The following PRMT8 variants were observed in gnomAD, a reference collection of about 807,000 sequenced individuals.
The protein encoded by PRMT8 is protein arginine N-methyltransferase 8.
Under a neutral mutation model 47.1 loss-of-function variants are expected in PRMT8, and 7 were observed. That is an observed-to-expected ratio of 0.15 (90% CI 0.08 to 0.28). PRMT8 has a LOEUF of 0.28. Ranked by LOEUF, PRMT8 falls within the 10% of genes least tolerant of loss-of-function variation. The pLI is 1.00. For synonymous variants in PRMT8, 188 were observed against 186.5 expected (o/e 1.01, Z -0.07); for missense variants, 237 against 505.4 (o/e 0.47, Z 5.09).
upstream of PRMT8, among the ~76,000 whole-genome samples, chr12:3,490,291 C>T (rs1446722545): frequency 2.0e-5 from 3 of 152,102 alleles, no homozygotes; most frequent in Non-Finnish European, 2.9e-5. Context: ...TGTTCTATCT[C>T]CCACTGCCCG....
At chr12:3,546,647 A>G (rs1393593148) in intron 2 of PRMT8, among the ~76,000 whole-genome samples, 1 of 152,202 alleles carries the variant, frequency 6.6e-6, no homozygotes, top group East Asian at 1.9e-4. Context: ...AAGCTAAAAT[A>G]ACCCTTTCCT....
intron 4 of PRMT8, among the ~76,000 whole-genome samples, chr12:3,568,490 C>T (rs368447700): frequency 6.6e-6 from 1 of 152,220 alleles, no homozygotes. Flanking sequence ...CTATGCCAGG[C>T]ACATAGTAAT....
chr12:3,548,249 G>C (rs1255653851), intron 2 of PRMT8, among the ~76,000 whole-genome samples: 1 of 152,068 alleles, frequency 6.6e-6, no homozygotes, highest in East Asian at 1.9e-4. Context: ...AAAAAACAAA[G>C]GAGAGTGTCT....
intron 1 of PRMT8, among the ~76,000 whole-genome samples, chr12:3,505,870 C>A (rs1865616393): frequency 6.6e-6 from 1 of 152,162 alleles, no homozygotes; most frequent in African/African-American, 2.4e-5. Flanking sequence ...GCTTGTGGCC[C>A]TGTAATAGGC....
At chr12:3,441,785 C>T (rs1864805639) in intron 1 of PRMT8, among the ~76,000 whole-genome samples, 1 of 152,182 alleles carries the variant, frequency 6.6e-6, no homozygotes, top group Admixed American at 6.5e-5. Context: ...CTTTGGGTGA[C>T]CACATGCCAT....
rs548983147 is a variant in PRMT8, at chr12:3,508,699, G to A, written c.75+16999G>A. Reference sequence around the variant, plus strand: ...GGGTGACCCCATCCACTCTCTCAGCGTCATGACCAGTTCCCATTCTCAGAC... The same window carrying A: ...GGGTGACCCCATCCACTCTCTCAGCATCATGACCAGTTCCCATTCTCAGAC... On this transcript the variant is annotated intron_variant, in intron 1 of 9. Transcript: ENST00000382622. This position sits in a 1 kb window ranked among gnomAD's most constrained non-coding sequence, Gnocchi z 4.9. Among the ~76,000 whole-genome samples, 5 of 152,222 alleles carry A rather than the reference G, an allele frequency of 3.3e-5. No individual in the cohort carries two copies. Among genetic ancestry groups the A allele is most frequent in the East Asian group, 1.9e-4 (1 of 5,182 alleles).
chr12:3,421,181 AG>A (rs1356680950), intron 1 of PRMT8, among the ~76,000 whole-genome samples: 8 of 152,238 alleles, frequency 5.3e-5, no homozygotes, highest in African/African-American at 1.9e-4. Flanking sequence ...CCATTCCCAT[AG>A]ATCGTTAGCA....
chr12:3,439,793 A>C (rs911091835), intron 1 of PRMT8, among the ~76,000 whole-genome samples: 3 of 152,202 alleles, frequency 2.0e-5, no homozygotes, highest in Admixed American at 6.5e-5. Flanking sequence ...TCTGCTGTGG[A>C]TAAATTTGTT....
intron 4 of PRMT8, among the ~76,000 whole-genome samples, chr12:3,568,317 G>A (rs1040562995): frequency 1.3e-5 from 2 of 150,276 alleles, no homozygotes; most frequent in Non-Finnish European, 3.0e-5. Context: ...TGGAAGAGGT[G>A]GAAGGGGAGG....
chr12:3,478,811 C>T (rs936265822), intron 1 of PRMT8, among the ~76,000 whole-genome samples: 1 of 152,238 alleles, frequency 6.6e-6, no homozygotes, highest in Admixed American at 6.5e-5. Context: ...AAGCTGCCCT[C>T]CTGGGGCCTG....
intron 6 of PRMT8, among the ~76,000 whole-genome samples, chr12:3,571,329 A>T (rs1420898597): frequency 6.6e-6 from 1 of 152,222 alleles, no homozygotes; most frequent in Non-Finnish European, 1.5e-5. Context: ...TGCATTTTGG[A>T]GTTCTTGCTG....
At chr12:3,454,441 G>C (rs1205296842) in intron 1 of PRMT8, among the ~76,000 whole-genome samples, 1 of 152,148 alleles carries the variant, frequency 6.6e-6, no homozygotes, top group Non-Finnish European at 1.5e-5. Flanking sequence ...TTAATCAGAG[G>C]CCACGTGATG....
chr12:3,572,902 G>T lies in PRMT8; in HGVS notation c.712+3338G>T, dbSNP rs1374211686. Among the ~76,000 whole-genome samples, 1 of 152,152 alleles carries T rather than the reference G, an allele frequency of 6.6e-6. No homozygotes were observed. Among genetic ancestry groups the T allele is most frequent in the East Asian group, 1.9e-4 (1 of 5,200 alleles). ...CCTGGTACTTAATTTTCTTTCCTCAGACTGTTTTTGAGATTTCTGTCTTTA... is the reference window on the plus strand; with the variant it reads ...CCTGGTACTTAATTTTCTTTCCTCATACTGTTTTTGAGATTTCTGTCTTTA... On this transcript the variant is annotated intron_variant, in intron 6 of 9. Transcript: ENST00000382622. The surrounding 1 kb of genome is among the most constrained non-coding windows in gnomAD (Gnocchi z 5.9).
At chr12:3,554,183 C>G (rs1415700036) in intron 4 of PRMT8, among the ~76,000 whole-genome samples, 3 of 152,188 alleles carry the variant, frequency 2.0e-5, no homozygotes, top group African/African-American at 7.2e-5. Context: ...GGGAATGAGG[C>G]TGCTTTTGGG....
rs186805851 is a variant in PRMT8 at position 3,433,643 on chromosome 12, G to A, written c.48+52201G>A. 3.3e-4 allele frequency among the ~76,000 whole-genome samples: 50 copies of A among 151,870 alleles called. No individual in the cohort carries two copies. In the East Asian group the frequency reaches 9.3e-3, roughly 28 times the overall value. ...TTTTTTTTTTTTTAGATGAAGTCTC[G>A]CTCTGTCACCCAGGCTGGAGTGCAG... On this transcript the variant is annotated intron_variant, in intron 1 of 9. Coordinates refer to the PRMT8 transcript ENST00000452611.
chr12:3,554,347 C>T (rs79395049), intron 4 of PRMT8, among the ~76,000 whole-genome samples: 1,792 of 152,316 alleles, frequency 0.012, 33 homozygotes, highest in African/African-American at 0.041. Context: ...GATCAGGAGA[C>T]GTCCTTGGAG....
At chr12:3,505,502 A>T (rs1399410307) in intron 1 of PRMT8, among the ~76,000 whole-genome samples, 1 of 152,178 alleles carries the variant, frequency 6.6e-6, no homozygotes, top group Non-Finnish European at 1.5e-5. Flanking sequence ...AGTAGCAATC[A>T]CTATAGCAAG....
At chr12:3,410,984 T>C (rs1032283398) in intron 1 of PRMT8, among the ~76,000 whole-genome samples, 2 of 152,218 alleles carry the variant, frequency 1.3e-5, no homozygotes, top group Admixed American at 1.3e-4. Context: ...AGAAAGTACA[T>C]ATGCTTGCTT....
chr12:3,417,522 T>A (rs1864495850), intron 1 of PRMT8, among the ~76,000 whole-genome samples: 1 of 152,224 alleles, frequency 6.6e-6, no homozygotes, highest in African/African-American at 2.4e-5. Flanking sequence ...CATCTCATGT[T>A]GGTGATATAA....
Sources: gnomAD v4.1 joint callset for allele counts (sites outside exome capture counted in the v4.1 genomes callset) on GRCh38, gnomAD v4.1.1 for gene constraint, Gnocchi (gnomAD v3.1) non-coding constraint, MANE v1.5 for transcripts, NCBI Gene and HGNC (gene_info 2026-07-23, HGNC 2026-07-21) for gene names.